The following PRH1 variants were observed in gnomAD, a reference collection of about 807,000 sequenced individuals.
PRH1 encodes the protein proline rich protein HaeIII subfamily 1.
Under a neutral mutation model 7.9 loss-of-function variants are expected in PRH1, and 7 were observed. That is an observed-to-expected ratio of 0.89 (90% CI 0.50 to 1.67). PRH1 has a LOEUF of 1.67. Among genes scored for constraint, PRH1 ranks in the 40% most tolerant of loss-of-function variants. The probability of loss-of-function intolerance (pLI) is 0.00; values close to 1 mark genes in which losing one functional copy is unlikely to be tolerated. For synonymous variants in PRH1, 45 were observed against 80.8 expected, an observed-to-expected ratio of 0.56 and a Z score of 2.38; for missense variants, 109 against 223.6, an observed-to-expected ratio of 0.49 and a Z score of 3.27.
intron 2 of PRH1, among the ~76,000 whole-genome samples, chr12:10,936,185 T>G (rs1289531194): frequency 1.4e-5 from 2 of 144,682 alleles, no homozygotes; most frequent in African/African-American, 5.1e-5. Flanking sequence ...CTTTCTTCCC[T>G]TAAAAACTTA....
At chr12:11,049,278 G>GA, upstream of PRH1, 2 of 271,054 alleles carry the variant, frequency 7.4e-6, no homozygotes, top group East Asian at 3.9e-4. Context: ...TGAAAAGAAA[G>GA]AAAAAATGCA....
chr12:11,041,834 A>G (rs1942721319), intron 1 of PRH1, among the ~76,000 whole-genome samples: 1 of 152,232 alleles, frequency 6.6e-6, no homozygotes, highest in South Asian at 2.1e-4. Flanking sequence ...AATTTTGGAA[A>G]CTATATAAAC....
chr12:10,967,700 G>T (rs1210867500), intron 2 of PRH1, among the ~76,000 whole-genome samples: 6 of 152,162 alleles, frequency 3.9e-5, no homozygotes, highest in Admixed American at 3.9e-4. Context: ...TCCTTACAGG[G>T]AAATTCAATG....
chr12:10,895,410 CTTAGA>C (rs1949630420), intron 2 of PRH1: 1 of 152,148 alleles, frequency 6.6e-6, no homozygotes, highest in African/African-American at 2.4e-5. Context: ...GTTACCCGTT[CTTAGA>C]TTAAACTATT....
At chr12:11,167,777 T>C (rs1947624805) in intron 1 of PRH1, among the ~76,000 whole-genome samples, 1 of 152,206 alleles carries the variant, frequency 6.6e-6, no homozygotes, top group African/African-American at 2.4e-5. Flanking sequence ...AAATTATGAC[T>C]TTGTAGCCTA....
Position 11,062,115 on chromosome 12 carries a change from C to T in PRH1, n.124-14927G>A, listed in dbSNP as rs575651270. ...TTGCATACCAATTTAATACTAATACCCAGAGTAAACCAACTCTGGAGACTG... is the reference window on the plus strand; with the variant it reads ...TTGCATACCAATTTAATACTAATACTCAGAGTAAACCAACTCTGGAGACTG... On this transcript the variant is annotated intron_variant and non_coding_transcript_variant, in intron 1 of 4. Transcript: ENST00000541977. The T allele has an allele frequency of 2.9e-5, 47 of 1,613,486 alleles. 1 individual carries two copies. The South Asian group carries it at 4.2e-4, about 14-fold the overall frequency.
chr12:10,952,024 T>G (rs1434140857), intron 2 of PRH1, among the ~76,000 whole-genome samples: 1 of 152,184 alleles, frequency 6.6e-6, no homozygotes, highest in Non-Finnish European at 1.5e-5. Flanking sequence ...TAGCTATCTA[T>G]TAAATGCAGA....
At chr12:10,943,059 C>T (rs1391928768) in intron 2 of PRH1, among the ~76,000 whole-genome samples, 1 of 152,218 alleles carries the variant, frequency 6.6e-6, no homozygotes, top group Non-Finnish European at 1.5e-5. Context: ...TGGGGTGTCT[C>T]CCAGGTTCTG....
In PRH1 at chr12:11,156,654, T is replaced by G. The variant is rs1947256383; in HGVS notation, n.39+14768A>C. On this transcript the variant is annotated intron_variant and non_coding_transcript_variant, in intron 1 of 1. Transcript: ENST00000541175. ...TTGTTAAATATTGAATTCTTAATAT[T>G]AATTTTTTCAGTCATTATTTTGGTG... 3.3e-5 allele frequency among the ~76,000 whole-genome samples: 5 copies of G among 152,332 alleles called. No individual in the cohort carries two copies. In the South Asian group the frequency reaches 8.3e-4, roughly 25 times the overall value.
chr12:10,987,607 T>C (rs1030301564), intron 1 of PRH1, among the ~76,000 whole-genome samples: 1 of 151,946 alleles, frequency 6.6e-6, no homozygotes, highest in Non-Finnish European at 1.5e-5. Context: ...TATTTTCTTA[T>C]ACTTTCCAAA....
intron 2 of PRH1, among the ~76,000 whole-genome samples, chr12:10,931,819 G>GTTT (rs1048990647): frequency 6.9e-6 from 1 of 145,110 alleles, no homozygotes. Context: ...TTATTGGTTA[G>GTTT]TTTTTTTTTT....
At chr12:11,148,941 T>A (rs1946967370) in intron 1 of PRH1, among the ~76,000 whole-genome samples, 1 of 144,508 alleles carries the variant, frequency 6.9e-6, no homozygotes, top group South Asian at 2.2e-4. Flanking sequence ...TGGTAAGCTA[T>A]TGATTATTGC....
At chr12:11,071,816 A>AC (rs1351266342) in intron 1 of PRH1, among the ~76,000 whole-genome samples, 1 of 151,992 alleles carries the variant, frequency 6.6e-6, no homozygotes, top group Non-Finnish European at 1.5e-5. Context: ...TGCTGGACAG[A>AC]CCCCTGCATG....
intron 1 of PRH1, among the ~76,000 whole-genome samples, chr12:11,058,634 C>T (rs368354969): frequency 2.0e-5 from 3 of 152,284 alleles, no homozygotes; most frequent in African/African-American, 7.2e-5. Context: ...AGGTTCTGAT[C>T]CAAACTGCTA....
chr12:11,129,323 A>T (rs1009769817), intron 1 of PRH1, among the ~76,000 whole-genome samples: 1 of 151,490 alleles, frequency 6.6e-6, no homozygotes, highest in African/African-American at 2.4e-5. Flanking sequence ...ATTGAAATGG[A>T]TACGTATGGC....
intron 1 of PRH1, among the ~76,000 whole-genome samples, chr12:11,008,305 A>T (rs916062990): frequency 6.6e-6 from 1 of 152,074 alleles, no homozygotes; most frequent in Non-Finnish European, 1.5e-5. Flanking sequence ...ATTTCTCCTA[A>T]TTCAAAATTT....
intron 1 of PRH1, chr12:11,062,040 G>A: frequency 6.2e-7 from 1 of 1,612,256 alleles, no homozygotes. Context: ...CCCAGACATT[G>A]TAAGCAGTAA....
chr12:10,996,078 A>G (rs1940213200), intron 1 of PRH1, among the ~76,000 whole-genome samples: 1 of 151,942 alleles, frequency 6.6e-6, no homozygotes, highest in African/African-American at 2.4e-5. Flanking sequence ...GCACTTTGGG[A>G]GGCTGAGGCA....
At chr12:11,064,662 C>G (rs1248537122) in intron 1 of PRH1, among the ~76,000 whole-genome samples, 1 of 152,006 alleles carries the variant, frequency 6.6e-6, no homozygotes, top group Non-Finnish European at 1.5e-5. Context: ...ATATAATTAC[C>G]CCAACAAGAC....
Sources: allele counts gnomAD v4.1 joint callset (sites outside exome capture counted in the v4.1 genomes callset), GRCh38; gene constraint gnomAD v4.1.1; transcripts MANE v1.5; gene names NCBI Gene and HGNC (gene_info 2026-07-23, HGNC 2026-07-21).